The following MAML3 variants were observed in gnomAD, a reference collection of about 807,000 sequenced individuals.
MAML3 encodes the protein mastermind like transcriptional coactivator 3.
A neutral mutation model predicts 101.9 loss-of-function variants in MAML3; 27 were observed. The ratio of observed to expected loss-of-function variants is 0.27; its 90% confidence interval spans 0.20 to 0.37. The LOEUF (loss-of-function observed/expected upper bound fraction) is 0.37, where lower values mean the gene tolerates loss of function less well. Among genes scored for constraint, MAML3 ranks in the 10% least tolerant of loss-of-function variants. The probability of loss-of-function intolerance (pLI) is 1.00; values close to 1 mark genes in which losing one functional copy is unlikely to be tolerated. For synonymous variants in MAML3, 501 were observed against 555.9 expected, an observed-to-expected ratio of 0.90 and a Z score of 1.39; for missense variants, 1,316 against 1,444.9, an observed-to-expected ratio of 0.91 and a Z score of 1.45.
chr4:139,987,698 A>G (rs1734574754), intron 1 of MAML3, among the ~76,000 whole-genome samples: 1 of 151,994 alleles, frequency 6.6e-6, no homozygotes, highest in South Asian at 2.1e-4. Flanking sequence ...CCGCCTGGCC[A>G]CTTTGTTCAG....
intron 2 of MAML3, among the ~76,000 whole-genome samples, chr4:139,885,002 T>G (rs572148747): frequency 1.3e-5 from 2 of 152,220 alleles, no homozygotes; most frequent in Non-Finnish European, 2.9e-5. Context: ...CCATAGTAAG[T>G]TCTATTTCAT....
At chr4:139,880,615 T>G (rs1444584047) in intron 2 of MAML3, among the ~76,000 whole-genome samples, 3 of 152,232 alleles carry the variant, frequency 2.0e-5, no homozygotes, top group Non-Finnish European at 4.4e-5. Context: ...ATGATGATCA[T>G]GTTGACACTG....
intron 2 of MAML3, among the ~76,000 whole-genome samples, chr4:139,862,753 T>G (rs1018731878): frequency 6.6e-6 from 1 of 152,180 alleles, no homozygotes; most frequent in Non-Finnish European, 1.5e-5. Flanking sequence ...GAAAGGGCAC[T>G]GGACTAGAAT....
chr4:139,722,426 A>G (rs1213822620), intron 4 of MAML3, among the ~76,000 whole-genome samples: 1 of 152,230 alleles, frequency 6.6e-6, no homozygotes, highest in East Asian at 1.9e-4. Flanking sequence ...TTGTCTTTAC[A>G]TGATTACTAC....
intron 2 of MAML3, among the ~76,000 whole-genome samples, chr4:139,814,080 G>A (rs1305735911): frequency 6.8e-6 from 1 of 146,078 alleles, no homozygotes; most frequent in African/African-American, 2.5e-5. Context: ...ACCAAAAGTT[G>A]TGATATATCA....
intron 1 of MAML3, among the ~76,000 whole-genome samples, chr4:140,092,088 GTATA>G (rs371237469): frequency 1.3e-5 from 1 of 76,086 alleles, no homozygotes; most frequent in African/African-American, 4.5e-5. Context: ...ATATATATAC[GTATA>G]TATATATATA....
At chr4:139,742,396 G>A (rs1319191966) in intron 2 of MAML3, among the ~76,000 whole-genome samples, 1 of 152,134 alleles carries the variant, frequency 6.6e-6, no homozygotes, top group Non-Finnish European at 1.5e-5. Flanking sequence ...TAATCTGCCC[G>A]CCTTGGCCTC....
In MAML3 at chr4:139,883,580, A is replaced by G. The variant is rs138656321; in HGVS notation, c.2079+5777T>C. On this transcript the variant is annotated intron_variant, in intron 2 of 4. Transcript: ENST00000509479. Reference sequence around the variant, plus strand: ...TGTGGGGGGGTTGTGTATGTTTGTCAGGAGGTAGTATAAGTAGCTGCACCC... The same window carrying G: ...TGTGGGGGGGTTGTGTATGTTTGTCGGGAGGTAGTATAAGTAGCTGCACCC... Among the ~76,000 whole-genome samples, 779 of 152,288 alleles carry G rather than the reference A, an allele frequency of 5.1e-3. 4 individuals are homozygous for G. The highest frequency in any genetic ancestry group is 0.017 in the African/African-American group (725 of 41,556).
intron 2 of MAML3, among the ~76,000 whole-genome samples, chr4:139,870,247 C>T (rs1176862212): frequency 6.6e-6 from 1 of 152,176 alleles, no homozygotes; most frequent in Non-Finnish European, 1.5e-5. Context: ...AGCATCTCTG[C>T]TCTCTTACCC....
intron 1 of MAML3, among the ~76,000 whole-genome samples, chr4:139,946,045 A>T (rs1186235309): frequency 1.3e-5 from 2 of 152,358 alleles, no homozygotes; most frequent in East Asian, 3.9e-4. Context: ...AAATGGTATG[A>T]TGGTAGAATC....
chr4:139,994,651 C>T (rs893714451), intron 1 of MAML3, among the ~76,000 whole-genome samples: 22 of 152,060 alleles, frequency 1.4e-4, no homozygotes, highest in African/African-American at 2.7e-4. Context: ...CAGAGAGACA[C>T]CCAGTCTCTA....
intron 1 of MAML3, among the ~76,000 whole-genome samples, chr4:139,955,072 T>A (rs1276362843): frequency 6.6e-6 from 1 of 152,260 alleles, no homozygotes; most frequent in East Asian, 1.9e-4. Flanking sequence ...AGCTTGCAGG[T>A]CTAGTCTTTA....
At chr4:140,006,616 A>T (rs921155132) in intron 1 of MAML3, among the ~76,000 whole-genome samples, 1 of 150,058 alleles carries the variant, frequency 6.7e-6, no homozygotes, top group African/African-American at 2.4e-5. Context: ...GAAAAAGTGA[A>T]TTAGGAGACA....
In MAML3 at chr4:139,721,136, G is replaced by A. The variant is rs532207978; in HGVS notation, c.2417-813C>T. Among the ~76,000 whole-genome samples the A allele has an allele frequency of 1.6e-4, 25 of 152,252 alleles. No homozygotes were observed. The South Asian group carries it at 4.8e-3, about 29-fold the overall frequency. ...ACAGCAAAGTCCATTCCTTCAAATCGGCAACGACTATTTCTCTCAGCAAAT... is the reference window on the plus strand; with the variant it reads ...ACAGCAAAGTCCATTCCTTCAAATCAGCAACGACTATTTCTCTCAGCAAAT... On this transcript the variant is annotated intron_variant, in intron 4 of 4. Transcript: ENST00000509479.
intron 1 of MAML3, among the ~76,000 whole-genome samples, chr4:140,131,103 C>T (rs1728786338): frequency 6.6e-6 from 1 of 152,146 alleles, no homozygotes; most frequent in African/African-American, 2.4e-5. Context: ...TGGCCAAAAC[C>T]CTCCAGTCAT....
At chr4:139,965,228 T>G (rs1209781278) in intron 1 of MAML3, among the ~76,000 whole-genome samples, 26 of 150,894 alleles carry the variant, frequency 1.7e-4, no homozygotes, top group Non-Finnish European at 1.5e-5. Context: ...AATGACAGTC[T>G]CATGATCTGT....
chr4:140,126,079 G>A (rs1228794096), intron 1 of MAML3, among the ~76,000 whole-genome samples: 2 of 151,324 alleles, frequency 1.3e-5, no homozygotes, highest in African/African-American at 2.4e-5. Flanking sequence ...CCTGGCCAAG[G>A]TACAGGTGTT....
chr4:139,932,835 G>A (rs181824133), intron 1 of MAML3, among the ~76,000 whole-genome samples: 17 of 152,276 alleles, frequency 1.1e-4, no homozygotes, highest in Non-Finnish European at 1.9e-4. Context: ...TAAGGAAAAC[G>A]ACCAAATTCC....
At chr4:140,081,850 G>C (rs1727866024) in intron 1 of MAML3, among the ~76,000 whole-genome samples, 1 of 152,130 alleles carries the variant, frequency 6.6e-6, no homozygotes, top group African/African-American at 2.4e-5. Flanking sequence ...AGTTGTTTAT[G>C]CTTCTTTCTT....
Sources: allele counts gnomAD v4.1 joint callset (sites outside exome capture counted in the v4.1 genomes callset), GRCh38; gene constraint gnomAD v4.1.1; transcripts MANE v1.5; gene names NCBI Gene and HGNC (gene_info 2026-07-23, HGNC 2026-07-21).